Variants in YWHAB observed in about 807,000 individuals in gnomAD.
YWHAB encodes the protein 14-3-3 protein beta/alpha.
In YWHAB, 2 loss-of-function variants were observed where a neutral mutation model predicts 28.5. That is an observed-to-expected ratio of 0.07 (90% CI 0.03 to 0.22). The LOEUF (loss-of-function observed/expected upper bound fraction) is 0.22, where lower values mean the gene tolerates loss of function less well. YWHAB is among the 10% of genes least tolerant of loss of function. The pLI is 1.00. For missense variants in YWHAB, 148 were observed against 297.1 expected (o/e 0.50, Z 3.69); for synonymous variants, 103 against 104.7 (o/e 0.98, Z 0.10).
intron 1 of YWHAB, among the ~76,000 whole-genome samples, chr20:44,888,933 T>A (rs923858313): frequency 1.3e-5 from 2 of 152,244 alleles, no homozygotes; most frequent in African/African-American, 4.8e-5. Context: ...TGAGGAAATA[T>A]ATCTACGTAA....
intron 1 of YWHAB, among the ~76,000 whole-genome samples, chr20:44,895,499 G>C (rs953839399): frequency 6.6e-6 from 1 of 152,150 alleles, no homozygotes; most frequent in African/African-American, 2.4e-5. Flanking sequence ...TTGAGACAGG[G>C]TGTCTGTCAC....
intron 3 of YWHAB, among the ~76,000 whole-genome samples, chr20:44,904,680 A>C (rs1321976774): frequency 6.6e-6 from 1 of 152,214 alleles, no homozygotes; most frequent in Non-Finnish European, 1.5e-5. Context: ...TGATGTTTGC[A>C]CTAGAATGTA....
At chr20:44,887,467 T>G (rs2066535155) in intron 1 of YWHAB, 1 of 152,244 alleles carries the variant, frequency 6.6e-6, no homozygotes. Flanking sequence ...CATTCATCAG[T>G]AGCAAATATT....
At chr20:44,905,786 G>A (rs1327273213) in intron 4 of YWHAB, 4 of 487,808 alleles carry the variant, frequency 8.2e-6, no homozygotes, top group Non-Finnish European at 3.7e-6. Context: ...GTACAGCAAA[G>A]TTCTTACCTT....
At chr20:44,905,924 C>A in intron 4 of YWHAB, 77 bp from the exon 5 acceptor site, 2 of 1,090,488 alleles carry the variant, frequency 1.8e-6, no homozygotes, top group Non-Finnish European at 2.8e-6. Context: ...AAGTTATATT[C>A]ACCTAGCGGG....
At chr20:44,894,583 T>G (rs2066584665) in intron 1 of YWHAB, among the ~76,000 whole-genome samples, 1 of 152,258 alleles carries the variant, frequency 6.6e-6, no homozygotes, top group Non-Finnish European at 1.5e-5. Context: ...CTCACAAAAT[T>G]GTATATTTAA....
At chr20:44,887,120 T>G (rs2066533279) in intron 1 of YWHAB, 1 of 152,278 alleles carries the variant, frequency 6.6e-6, no homozygotes, top group Non-Finnish European at 1.5e-5. Context: ...GTATTTGTTC[T>G]TGGTGAATTT....
chr20:44,889,037 G>C (rs1216486457), intron 1 of YWHAB, among the ~76,000 whole-genome samples: 1 of 149,806 alleles, frequency 6.7e-6, no homozygotes, highest in African/African-American at 2.6e-5. Flanking sequence ...TGGTACCTTA[G>C]AGAATGAACT....
intron 2 of YWHAB, chr20:44,903,209 C>T (rs1388738708): frequency 2.1e-6 from 1 of 484,104 alleles, no homozygotes; most frequent in Non-Finnish European, 2.7e-6. Context: ...GTGTTAAGCG[C>T]TTTATGTATG....
chr20:44,901,729 A>G lies in YWHAB; in HGVS notation c.196A>G (p.Ser66Gly). Reference protein sequence around the residue: ...ARRSSWRVISSIEQKTERNEK... With the variant: ...ARRSSWRVISGIEQKTERNEK... ...CCGCTCTTCCTGGCGTGTCATCTCC[A>G]GCATTGAGCAGAAAACAGAGAGGAA... Residue 66 changes from serine to glycine, a missense_variant, in exon 2 of 6, where the codon AGC becomes GGC. By Grantham distance (56) the Ser-to-Gly change is moderately conservative. Transcript: ENST00000353703. 6.2e-7 allele frequency: 1 copy of G among 1,614,178 alleles called. No homozygotes were observed. Among genetic ancestry groups the G allele is most frequent in the Non-Finnish European group, 8.5e-7 (1 of 1,180,014 alleles).
Position 44,908,169 on chromosome 20 carries a change from A to G in YWHAB, c.*1731A>G, listed in dbSNP as rs1350753428. 7.6e-6 allele frequency: 1 copy of G among 131,170 alleles called. No homozygotes were observed. The highest frequency in any genetic ancestry group is 1.6e-5 in the Non-Finnish European group (1 of 62,122). 8.1% of individuals were successfully genotyped at this position (131,170 alleles called of 1,614,324 possible). On this transcript the variant is annotated 3_prime_UTR_variant, in exon 6 of 6. Coordinates refer to ENST00000353703, the MANE Select transcript of YWHAB (RefSeq NM_139323.4). ...TTTAAAACAAACCAAAAAAAAAGAA[A>G]AAAACAAAAAAAAAAATCCCTCCTT...
chr20:44,886,116 T>A (rs2066525604), intron 1 of YWHAB: 1 of 152,212 alleles, frequency 6.6e-6, no homozygotes, highest in African/African-American at 2.4e-5. Flanking sequence ...CCTGAGGTCC[T>A]GCCGGCCGGG....
intron 1 of YWHAB, among the ~76,000 whole-genome samples, chr20:44,900,564 C>A (rs2066620489): frequency 6.6e-6 from 1 of 152,150 alleles, no homozygotes; most frequent in South Asian, 2.1e-4. Flanking sequence ...CCAAATAGAT[C>A]ATTTAAAATC....
chr20:44,901,791 G>A lies in YWHAB; in HGVS notation c.258G>A (p.Glu86=), dbSNP rs2145537218. 6.2e-7 allele frequency: 1 copy of A among 1,610,586 alleles called. No homozygotes were observed. Among genetic ancestry groups the A allele is most frequent in the East Asian group, 2.2e-5 (1 of 44,750 alleles). ...KKQQMGKEYR[E]KIEAELQDIC... is the part of the protein sequence containing the mutation. The stretch of plus-strand genomic sequence containing the variant: ...AGCAGATGGGCAAAGAGTACCGTGA[G>A]AAGATAGAGGCAGAACTGCAGGACA... The change falls in exon 2 of 6, where the codon GAG becomes GAA. Residue 86 remains glutamate, a synonymous_variant. Coordinates refer to ENST00000353703, the MANE Select transcript of YWHAB (RefSeq NM_139323.4).
chr20:44,897,817 A>G (rs2066604630), intron 1 of YWHAB, among the ~76,000 whole-genome samples: 1 of 152,222 alleles, frequency 6.6e-6, no homozygotes, highest in Non-Finnish European at 1.5e-5. Context: ...TCTTGTGGTA[A>G]CCAACAGCTC....
chr20:44,901,978 G>A, intron 2 of YWHAB, 145 bp downstream of exon 2: 1 of 884,354 alleles, frequency 1.1e-6, no homozygotes, highest in South Asian at 2.6e-5. Flanking sequence ...TAATTTTTAA[G>A]CATATGATAT....
At chr20:44,902,753 T>G (rs1438899092) in intron 2 of YWHAB, 4 of 152,240 alleles carry the variant, frequency 2.6e-5, no homozygotes, top group Admixed American at 2.6e-4. Context: ...TCTTCTCACT[T>G]TGGTTGATTA....
intron 2 of YWHAB, chr20:44,903,738 G>T (rs2145539302): frequency 9.1e-6 from 3 of 330,302 alleles, no homozygotes; most frequent in South Asian, 7.9e-5. Flanking sequence ...CATTTTAAAG[G>T]CCTACAAAAC....
chr20:44,902,698 A>C (rs1568932935), intron 2 of YWHAB: 1 of 152,120 alleles, frequency 6.6e-6, no homozygotes, highest in African/African-American at 2.4e-5. Flanking sequence ...GGAGTTACAC[A>C]CTGTCTGTCT....
Sources: allele counts gnomAD v4.1 joint callset (sites outside exome capture counted in the v4.1 genomes callset), GRCh38; gene constraint gnomAD v4.1.1; transcripts MANE v1.5; gene names NCBI Gene and HGNC (gene_info 2026-07-23, HGNC 2026-07-21).